GFPT2: variants seen among roughly 807,000 people sequenced by gnomAD.
GFPT2 encodes the protein glutamine--fructose-6-phosphate aminotransferase [isomerizing] 2.
In GFPT2, 62 loss-of-function variants were observed where a neutral mutation model predicts 85.6. That is an observed-to-expected ratio of 0.72 (90% CI 0.59 to 0.90). The LOEUF is 0.90. Among genes scored for constraint, GFPT2 ranks in the 40% least tolerant of loss-of-function variants. The probability of loss-of-function intolerance (pLI) is 0.00; values close to 1 mark genes in which losing one functional copy is unlikely to be tolerated. For missense variants in GFPT2, 788 were observed against 893.4 expected (o/e 0.88, Z 1.50); for synonymous variants, 368 against 344.5 (o/e 1.07, Z -0.75).
At chr5:180,343,674 T>C (rs1052747906) in intron 1 of GFPT2, among the ~76,000 whole-genome samples, 1 of 152,272 alleles carries the variant, frequency 6.6e-6, no homozygotes, top group African/African-American at 2.4e-5. Flanking sequence ...TGTGCTCTTA[T>C]CATTTAAAAA....
intron 4 of GFPT2, among the ~76,000 whole-genome samples, chr5:180,332,224 T>C: frequency 1.2e-5 from 1 of 86,612 alleles, no homozygotes. Flanking sequence ...CCGCTGATCC[T>C]GGCGGGGAGG....
At chr5:180,324,690 G>A (rs2127652371) in intron 8 of GFPT2, 126 bp downstream of exon 8, 1 of 716,526 alleles carries the variant, frequency 1.4e-6, no homozygotes. Context: ...CTGGAGCTGT[G>A]CGCCTGTTGG....
At chr5:180,313,544 C>G (rs1454527438) in intron 14 of GFPT2, among the ~76,000 whole-genome samples, 1 of 151,332 alleles carries the variant, frequency 6.6e-6, no homozygotes. Flanking sequence ...GAGCCGAGAT[C>G]GCGCCCCTGC....
At position 180,304,800 on chromosome 5, in the gene GFPT2, T is replaced by C; in HGVS notation, c.1814A>G (p.Asn605Ser). Residue 605 changes from asparagine to serine, a missense_variant, in exon 17 of 19, where the codon AAC becomes AGC. Asn to Ser is a conservative substitution (Grantham distance 46). Transcript: ENST00000253778. ...GCGGGCCGTGACTTGCTGCAGGGCG[T>C]TCTGGCATTTGGCGAAGCAAGGATC... ...MKDPCFAKCQ[N>S]ALQQVTARQG... is the part of the protein sequence containing the mutation. 6.2e-7 allele frequency: 1 copy of C among 1,613,864 alleles called. No individual in the cohort carries two copies. Among genetic ancestry groups the C allele is most frequent in the Non-Finnish European group, 8.5e-7 (1 of 1,179,860 alleles).
chr5:180,332,484 T>C (rs563747513), intron 4 of GFPT2, among the ~76,000 whole-genome samples: 1 of 152,254 alleles, frequency 6.6e-6, no homozygotes, highest in Non-Finnish European at 1.5e-5. Flanking sequence ...ATACGCTTCA[T>C]AAATATTGAC....
chr5:180,313,784 C>T (rs1333824945), intron 14 of GFPT2, 23 bp downstream of exon 14: 2 of 1,531,570 alleles, frequency 1.3e-6, no homozygotes, highest in South Asian at 2.4e-5. Flanking sequence ...CTCCCTGGGA[C>T]GGGCGCCCGT....
chr5:180,350,933 TGAGACCC>T (rs1336957149), intron 1 of GFPT2, among the ~76,000 whole-genome samples: 1 of 152,210 alleles, frequency 6.6e-6, no homozygotes, highest in Non-Finnish European at 1.5e-5. Context: ...CCAGGAGATC[TGAGACCC>T]GAGGCCTGCT....
Position 180,324,179 on chromosome 5 carries a change from C to T in GFPT2, c.794+9G>A. On this transcript the variant is annotated intron_variant, in intron 9 of 18. Transcript: ENST00000253778. ...ATCCCAGGAAGCGAAGAGAAGAAGG[C>T]TCAGTTACCTTGCATCAGAAGCAAA... is the stretch of plus-strand genomic sequence containing the variant. 8 of 1,462,962 alleles carry T rather than the reference C, an allele frequency of 5.5e-6. No homozygotes were observed. Among genetic ancestry groups the T allele is most frequent in the Non-Finnish European group, 7.7e-6 (8 of 1,044,786 alleles). 90.6% of individuals were successfully genotyped at this position (1,462,962 alleles called of 1,614,324 possible).
chr5:180,340,043 GT>G (rs1764478569), intron 1 of GFPT2, among the ~76,000 whole-genome samples: 1 of 152,216 alleles, frequency 6.6e-6, no homozygotes, highest in Non-Finnish European at 1.5e-5. Flanking sequence ...AGCCACAGAT[GT>G]TTATTCTCAC....
chr5:180,349,437 A>T (rs1302502774), intron 1 of GFPT2, among the ~76,000 whole-genome samples: 1 of 152,252 alleles, frequency 6.6e-6, no homozygotes, highest in Non-Finnish European at 1.5e-5. Context: ...TACAAAAATA[A>T]TCTCTCAATT....
At chr5:180,324,108 T>C in intron 9 of GFPT2, 80 bp downstream of exon 9, 1 of 812,560 alleles carries the variant, frequency 1.2e-6, no homozygotes, top group Middle Eastern at 2.3e-4. Flanking sequence ...CATGGAAGGA[T>C]GAATAAGAAC....
chr5:180,304,297 G>T (rs77017168), intron 17 of GFPT2, among the ~76,000 whole-genome samples: 26,703 of 152,206 alleles, frequency 0.18, 2,712 homozygotes, highest in East Asian at 0.35. Context: ...GAACTTCAGG[G>T]GAGAGTGGGA....
Position 180,328,484 on chromosome 5 carries a change from CG to C in GFPT2, c.535-147del. ...GGAGCTGAGTGCAGAACAGCGCATC[CG>C]GGGTGACATCACGAGGGAAAGCAAA... On this transcript the variant is annotated intron_variant, in intron 6 of 18. Coordinates refer to ENST00000253778, the MANE Select transcript of GFPT2 (RefSeq NM_005110.4). The surrounding 1 kb of genome is among the most constrained non-coding windows in gnomAD (Gnocchi z 5.4). 1.6e-6 allele frequency: 1 copy of C among 637,064 alleles called. No individual in the cohort carries two copies. The highest frequency in any genetic ancestry group is 2.8e-6 in the Non-Finnish European group (1 of 355,522). 39.5% of individuals were successfully genotyped at this position (637,064 alleles called of 1,614,324 possible). A position where few individuals can be genotyped will look rare whatever the true frequency, so the allele number is the denominator to read the frequency against.
rs751971206 is a variant in GFPT2, at chr5:180,330,874, T to C, written c.400-40A>G. The C allele has an allele frequency of 1.9e-6, 3 of 1,601,230 alleles. No homozygotes were observed. Among genetic ancestry groups the C allele is most frequent in the East Asian group, 2.2e-5 (1 of 44,726 alleles). On this transcript the variant is annotated intron_variant, in intron 5 of 18. Transcript: ENST00000253778. This position sits in a 1 kb window ranked among gnomAD's most constrained non-coding sequence, Gnocchi z 4.4. ...CGGCACAGTGTGAGAGATTGGTCAT[T>C]GCACAATGCCTGCCTGGCCAACTCC...
At position 180,353,268 on chromosome 5, in the gene GFPT2, G is replaced by C. The variant is rs756592198; in HGVS notation, c.-51C>G. The stretch of plus-strand genomic sequence containing the variant: ...CGGCTCGAGGGGGTCTGCCCGTTCG[G>C]ACGCTGGGGCTCCTCCGTGGGCTCC... On this transcript the variant is annotated 5_prime_UTR_variant, in exon 1 of 19. Coordinates refer to ENST00000253778, the MANE Select transcript of GFPT2 (RefSeq NM_005110.4). 1.6e-4 allele frequency: 192 copies of C among 1,237,744 alleles called. No individual in the cohort carries two copies. The highest frequency in any genetic ancestry group is 1.8e-4 in the Non-Finnish European group (181 of 986,396). The allele number at this position is 1,237,744 out of a possible 1,614,324, so 76.7% of individuals were successfully genotyped here. A position where few individuals can be genotyped will look rare whatever the true frequency, so the allele number is the denominator to read the frequency against.
chr5:180,312,479 T>G lies in GFPT2; in HGVS notation c.1497A>C (p.Ser499=). The G allele has an allele frequency of 6.2e-7, 1 of 1,611,502 alleles. No homozygotes were observed. Among genetic ancestry groups the G allele is most frequent in the Non-Finnish European group, 8.5e-7 (1 of 1,177,594 alleles). The stretch of plus-strand genomic sequence containing the variant: ...TGATCTCTTGCCTCCTGTTTTGTAG[T>G]GAAATTCGGTCTTCAGACATCATCA... The part of the protein sequence containing the change: ...FGLMMSEDRI[S]LQNRRQEIIR... Residue 499 remains serine, a synonymous_variant, in exon 15 of 19, where the codon TCA becomes TCC. Transcript: ENST00000253778.
chr5:180,301,672 G>T, intron 18 of GFPT2, 64 bp from the exon 19 acceptor site: 1 of 1,331,602 alleles, frequency 7.5e-7, no homozygotes, highest in Non-Finnish European at 1.1e-6. Context: ...ACCTCTCACA[G>T]ACAATTTTCA....
In GFPT2 at chr5:180,304,859, G is replaced by A. The variant is rs751459630; in HGVS notation, c.1755C>T (p.Asp585=). 2 of 1,613,334 alleles carry A rather than the reference G, an allele frequency of 1.2e-6. No homozygotes were observed. The highest frequency in any genetic ancestry group is 2.2e-5 in the South Asian group (2 of 91,072). ...ELKHGPLALI[D]KQMPVIMVIM... The stretch of plus-strand genomic sequence containing the variant: ...TGACCATGATGACGGGCATCTGCTT[G>A]TCAATCAGTGCCAGGGGCCCGTGCT... The change falls in exon 17 of 19, where the codon GAC becomes GAT. Residue 585 remains aspartate, a synonymous_variant. Transcript: ENST00000253778.
intron 4 of GFPT2, among the ~76,000 whole-genome samples, 182 bp downstream of exon 4, chr5:180,335,646 C>T (rs1764378389): frequency 6.6e-6 from 1 of 152,230 alleles, no homozygotes; most frequent in Admixed American, 6.5e-5. Context: ...CTGCCTGCCT[C>T]CTGACTGAGG....
Sources: allele counts gnomAD v4.1 joint callset (sites outside exome capture counted in the v4.1 genomes callset), GRCh38; gene constraint gnomAD v4.1.1; non-coding constraint Gnocchi (gnomAD v3.1); transcripts MANE v1.5; gene names NCBI Gene and HGNC (gene_info 2026-07-23, HGNC 2026-07-21).